ASAH2: variants seen among roughly 807,000 people sequenced by gnomAD.
The protein encoded by ASAH2 is N-acylsphingosine amidohydrolase 2, also known as neutral ceramidase.
ASAH2 carries 58 observed loss-of-function variants against 82.9 expected under a neutral mutation model. That is an observed-to-expected ratio of 0.70 (90% CI 0.57 to 0.87). ASAH2 has a LOEUF of 0.87. ASAH2 is among the 40% of genes least tolerant of loss of function. The pLI is 0.00. For missense variants in ASAH2, 779 were observed against 834.0 expected, an observed-to-expected ratio of 0.93 and a Z score of 0.81; for synonymous variants, 276 against 289.7, an observed-to-expected ratio of 0.95 and a Z score of 0.48.
chr10:50,208,568 G>A (rs1437598342), intron 12 of ASAH2, among the ~76,000 whole-genome samples: 1 of 136,654 alleles, frequency 7.3e-6, no homozygotes, highest in African/African-American at 2.7e-5. Flanking sequence ...GCATAGAAAA[G>A]AGTGAAATAC....
At chr10:50,218,722 G>A (rs908758685) in intron 7 of ASAH2, 92 bp from the exon 8 acceptor site, 26 of 1,458,122 alleles carry the variant, frequency 1.8e-5, no homozygotes, top group Non-Finnish European at 2.3e-5. Context: ...TCTCCAGCAG[G>A]AAAAAATATT....
Position 50,199,132 on chromosome 10 carries a change from C to G in ASAH2, c.1776G>C (p.Glu592Asp), listed in dbSNP as rs2133197842. Residue 592 changes from glutamate (E) to aspartate (D), a missense_variant, in exon 17 of 21, where the codon GAG becomes GAC. Transcript: ENST00000682911. ...TYEEYQAQRY[E>D]AASTIYGPHT... The stretch of plus-strand genomic sequence containing the variant: ...GCGGTCCATAAATTGTCGATGCTGC[C>G]TCATATCGCTGAGCCTGCAGGAAAG... 1 of 1,613,164 alleles carries G rather than the reference C, an allele frequency of 6.2e-7. No individual in the cohort carries two copies.
At chr10:50,237,518 G>A (rs1374892743) in intron 4 of ASAH2, among the ~76,000 whole-genome samples, 4 of 152,174 alleles carry the variant, frequency 2.6e-5, no homozygotes, top group African/African-American at 4.8e-5. Context: ...CAGAAGCCTT[G>A]AACAACATTT....
At chr10:50,201,883 G>A (rs924910188) in intron 16 of ASAH2, among the ~76,000 whole-genome samples, 7 of 152,240 alleles carry the variant, frequency 4.6e-5, no homozygotes, top group Admixed American at 4.6e-4. Context: ...AGCAATAAGA[G>A]TAAAAGACAT....
intron 12 of ASAH2, among the ~76,000 whole-genome samples, chr10:50,208,982 A>ACATAAAGC (rs1845383412): frequency 6.6e-6 from 1 of 152,212 alleles, no homozygotes; most frequent in Non-Finnish European, 1.5e-5. Context: ...GATCATCCAG[A>ACATAAAGC]CATAAAGCCA....
At position 50,203,516 on chromosome 10, in the gene ASAH2, A is replaced by G. The variant is rs1450924734; in HGVS notation, c.1665+124T>C. On this transcript the variant is annotated intron_variant, in intron 15 of 20. Transcript: ENST00000682911. ...CTGGTTCTTATACTACCAATATTTC[A>G]TATTAACCTTAGCCATTAATTTCAA... is the stretch of plus-strand genomic sequence containing the variant. The G allele has an allele frequency of 1.1e-5, 10 of 891,428 alleles. No homozygotes were observed. In the East Asian group the frequency reaches 1.4e-4, roughly 13 times the overall value. The allele number at this position is 891,428 out of a possible 1,614,324, so 55.2% of individuals were successfully genotyped here.
At chr10:50,217,606 C>T (rs1200028510) in intron 8 of ASAH2, among the ~76,000 whole-genome samples, 4 of 152,012 alleles carry the variant, frequency 2.6e-5, no homozygotes, top group African/African-American at 9.7e-5. Flanking sequence ...AGCATGAGGC[C>T]CTCACCAGAT....
intron 3 of ASAH2, 69 bp from the exon 4 acceptor site, chr10:50,243,420 T>A (rs1846361618): frequency 6.5e-7 from 1 of 1,545,230 alleles, no homozygotes; most frequent in African/African-American, 1.4e-5. Context: ...GGCACAAACA[T>A]ACAATATAGA....
intron 1 of ASAH2, among the ~76,000 whole-genome samples, chr10:50,250,478 C>A (rs1045318189): frequency 6.6e-6 from 1 of 152,218 alleles, no homozygotes; most frequent in African/African-American, 2.4e-5. Flanking sequence ...GACTTATGAT[C>A]AACTTCTATT....
At chr10:50,239,828 A>ATTATT (rs1846248112) in intron 4 of ASAH2, among the ~76,000 whole-genome samples, 1 of 120,646 alleles carries the variant, frequency 8.3e-6, no homozygotes, top group South Asian at 2.7e-4. Flanking sequence ...CTCACATTTA[A>ATTATT]TTTTTTTTTT....
chr10:50,206,234 C>A, intron 12 of ASAH2, 137 bp from the exon 13 acceptor site: 2 of 732,452 alleles, frequency 2.7e-6, no homozygotes, highest in African/African-American at 1.8e-5. Flanking sequence ...TGATTCCAAA[C>A]AGTTTGAGTA....
chr10:50,195,370 A>G (rs1844949904), intron 18 of ASAH2, among the ~76,000 whole-genome samples: 1 of 150,776 alleles, frequency 6.6e-6, no homozygotes, highest in Non-Finnish European at 1.5e-5. Flanking sequence ...GTTAGAATGT[A>G]TAATATTTAA....
intron 16 of ASAH2, among the ~76,000 whole-genome samples, chr10:50,201,569 G>C (rs1845148913): frequency 6.6e-6 from 1 of 152,046 alleles, no homozygotes; most frequent in Admixed American, 6.6e-5. Context: ...CATACTGCAG[G>C]GGGGTTCAGG....
At chr10:50,239,055 T>C (rs1432947244) in intron 4 of ASAH2, among the ~76,000 whole-genome samples, 3 of 152,200 alleles carry the variant, frequency 2.0e-5, no homozygotes, top group Non-Finnish European at 4.4e-5. Context: ...CGCTCACTTC[T>C]GTCTTCAGTT....
intron 6 of ASAH2, among the ~76,000 whole-genome samples, 156 bp downstream of exon 6, chr10:50,234,269 T>G (rs942540585): frequency 2.0e-5 from 3 of 152,090 alleles, no homozygotes; most frequent in African/African-American, 7.2e-5. Context: ...TTTTTGTTTC[T>G]GCTTGTTTTA....
chr10:50,202,223 G>C (rs1346891923), intron 16 of ASAH2, among the ~76,000 whole-genome samples: 1 of 152,018 alleles, frequency 6.6e-6, no homozygotes, highest in East Asian at 1.9e-4. Context: ...TATACCAGCA[G>C]ATATATTATT....
intron 12 of ASAH2, among the ~76,000 whole-genome samples, chr10:50,208,036 C>A (rs1845349948): frequency 6.6e-6 from 1 of 151,882 alleles, no homozygotes; most frequent in Non-Finnish European, 1.5e-5. Flanking sequence ...TGCAGTACAA[C>A]ATATTAATAT....
rs1846424347 is a variant in ASAH2, at chr10:50,245,369, CTGGGTGGCTGTGGAGCGT to C, written c.195_212del (p.Arg66_Gln71del). 1 of 1,613,548 alleles carries C rather than the reference CTGGGTGGCTGTGGAGCGT, an allele frequency of 6.2e-7. No individual in the cohort carries two copies. ...TGGAGCTCTGGGTGGCTGTGGAATG[CTGGGTGGCTGTGGAGCGT>C]TGGGCAGCTGTGGAGCCCTGGGTGG... On this transcript the variant is annotated inframe_deletion, in exon 3 of 21. Transcript: ENST00000682911.
At chr10:50,227,361 C>T (rs1294824167) in intron 7 of ASAH2, among the ~76,000 whole-genome samples, 3 of 49,704 alleles carry the variant, frequency 6.0e-5, no homozygotes, top group Admixed American at 2.2e-4. Flanking sequence ...ATGGAGATAA[C>T]ATTGTTAATA....
Sources: allele counts gnomAD v4.1 joint callset (sites outside exome capture counted in the v4.1 genomes callset), GRCh38; gene constraint gnomAD v4.1.1; transcripts MANE v1.5; gene names NCBI Gene and HGNC (gene_info 2026-07-23, HGNC 2026-07-21).